AAK1: variants seen among roughly 807,000 people sequenced by gnomAD.
AAK1 encodes AP2-associated protein kinase 1.
AAK1 carries 37 observed loss-of-function variants against 116.0 expected under a neutral mutation model. That is an observed-to-expected ratio of 0.32 (90% CI 0.25 to 0.42). The LOEUF (loss-of-function observed/expected upper bound fraction) is 0.42. Ranked by LOEUF, AAK1 falls within the 10% of genes least tolerant of loss-of-function variation. AAK1 has a pLI of 1.00. For synonymous variants in AAK1, 458 were observed against 439.9 expected (o/e 1.04, Z -0.51); for missense variants, 919 against 1,170.6 (o/e 0.79, Z 3.14).
At chr2:69,522,457 G>A (rs943796899) in intron 10 of AAK1, among the ~76,000 whole-genome samples, 1 of 152,082 alleles carries the variant, frequency 6.6e-6, no homozygotes, top group Non-Finnish European at 1.5e-5. Flanking sequence ...CCTGGGCAAG[G>A]GATGTGGGAA....
rs762299051 is a variant in AAK1 at position 69,544,501 on chromosome 2, G to C, written c.326C>G (p.Ser109Cys). The change falls in exon 4 of 22, where the codon TCT becomes TGT. Residue 109 changes from serine to cysteine, a missense_variant. Around this residue, in one of 4 missense-constraint regions of AAK1, gnomAD observed 317 missense variants for 490.4 expected, o/e 0.65. Transcript: ENST00000409085. ...GHKNIVGYID[S>C]SINNVSSGDV... ...ACCGCTACTCACGTTGTTGATACTAGAATCAATGTAACCCACAATATTCTT... is the reference window on the plus strand; with the variant it reads ...ACCGCTACTCACGTTGTTGATACTACAATCAATGTAACCCACAATATTCTT... 2 of 1,613,808 alleles carry C rather than the reference G, an allele frequency of 1.2e-6. No homozygotes were observed.
intron 13 of AAK1, among the ~76,000 whole-genome samples, chr2:69,509,772 T>C (rs1676321796): frequency 6.6e-6 from 1 of 152,214 alleles, no homozygotes; most frequent in South Asian, 2.1e-4. Context: ...CAGAAGCTAT[T>C]CCAGCTGTAA....
chr2:69,542,960 T>C (rs1014693518), intron 4 of AAK1, among the ~76,000 whole-genome samples: 1 of 152,250 alleles, frequency 6.6e-6, no homozygotes, highest in Non-Finnish European at 1.5e-5. Flanking sequence ...AATATGGTCC[T>C]GCTTTAGTTG....
chr2:69,493,658 G>T (rs1007086573), intron 17 of AAK1, among the ~76,000 whole-genome samples: 4 of 152,224 alleles, frequency 2.6e-5, no homozygotes, highest in Non-Finnish European at 4.4e-5. Flanking sequence ...CCCTCCCTCA[G>T]AGAGTGATAG....
At chr2:69,578,936 T>C (rs1369808262) in intron 2 of AAK1, among the ~76,000 whole-genome samples, 1 of 152,056 alleles carries the variant, frequency 6.6e-6, no homozygotes, top group Admixed American at 6.6e-5. Context: ...CCCAAGTAGC[T>C]GGGACTACAG....
intron 2 of AAK1, among the ~76,000 whole-genome samples, chr2:69,602,900 T>C (rs1673640436): frequency 6.6e-6 from 1 of 152,246 alleles, no homozygotes; most frequent in African/African-American, 2.4e-5. Flanking sequence ...ACAGCCCTAA[T>C]ACCAAAACTC....
chr2:69,496,021 C>G lies in AAK1; in HGVS notation c.2329G>C (p.Asp777His). 6.4e-7 allele frequency: 1 copy of G among 1,554,810 alleles called. No homozygotes were observed. Among genetic ancestry groups the G allele is most frequent in the South Asian group, 1.2e-5 (1 of 84,154 alleles). ...GGTACTTGAAGAGGAATGAAAGGAT[C>G]AGACACGCTTAGAAGCGGGAGGCCA... ...DSGLPLLSVS[D>H]PFIPLQVPDA... Residue 777 changes from aspartate (D) to histidine (H), a missense_variant, in exon 17 of 22, where the codon GAT becomes CAT. This residue lies in a region of AAK1 where 263 missense variants were observed against 285.5 expected (regional missense o/e 0.92). Coordinates refer to ENST00000409085, the MANE Select transcript of AAK1 (RefSeq NM_014911.5).
chr2:69,518,882 C>A (rs901545846), intron 12 of AAK1, 72 bp downstream of exon 12: 12 of 1,467,716 alleles, frequency 8.2e-6, no homozygotes, highest in Non-Finnish European at 1.1e-5. Flanking sequence ...TGGGAAGACA[C>A]CTTTACCTAG....
intron 5 of AAK1, among the ~76,000 whole-genome samples, chr2:69,541,827 G>A (rs1396635440): frequency 6.6e-6 from 1 of 152,198 alleles, no homozygotes; most frequent in Non-Finnish European, 1.5e-5. Flanking sequence ...CTGAAACACG[G>A]TAGAATGAAA....
chr2:69,501,281 CAAA>C (rs1350784284), intron 16 of AAK1, among the ~76,000 whole-genome samples: 1 of 151,860 alleles, frequency 6.6e-6, no homozygotes, highest in Admixed American at 6.6e-5. Flanking sequence ...AAAAGTGAAA[CAAA>C]AATTTTTAAC....
At chr2:69,631,866 G>C (rs980652429) in intron 2 of AAK1, among the ~76,000 whole-genome samples, 1 of 152,156 alleles carries the variant, frequency 6.6e-6, no homozygotes, top group Non-Finnish European at 1.5e-5. Context: ...TGTGGTCCCA[G>C]ATATTCAGGA....
At chr2:69,563,284 A>G (rs72895357) in intron 2 of AAK1, among the ~76,000 whole-genome samples, 21,243 of 152,086 alleles carry the variant, frequency 0.14, 2,105 homozygotes, top group African/African-American at 0.29. Context: ...AAGTGAGGGA[A>G]GGGAAGGTAA....
intron 2 of AAK1, among the ~76,000 whole-genome samples, chr2:69,595,318 G>C (rs1008915156): frequency 6.6e-6 from 1 of 152,288 alleles, no homozygotes. Context: ...GTTTCACCAA[G>C]TTGGCTAGGC....
chr2:69,508,751 T>C (rs910175548), intron 14 of AAK1, among the ~76,000 whole-genome samples: 9 of 152,138 alleles, frequency 5.9e-5, no homozygotes, highest in Non-Finnish European at 1.0e-4. Context: ...AGGAGGAGCA[T>C]AGCAGTCCCA....
rs372660297 is a variant in AAK1, at chr2:69,607,598, C to T, written c.163+35280G>A. ...TACAAAATCTATTAAACATGGCCAT[C>T]GAGAGGTGGGACAGTATCATGAAAA... On this transcript the variant is annotated intron_variant, in intron 2 of 21. Transcript: ENST00000409085. Among the ~76,000 whole-genome samples the T allele has an allele frequency of 4.4e-3, 668 of 152,216 alleles. 5 individuals are homozygous for T. The highest frequency in any genetic ancestry group is 0.016 in the South Asian group (78 of 4,814).
Position 69,505,692 on chromosome 2 carries a change from A to G in AAK1, c.2165-19T>C, listed in dbSNP as rs1484653795. 1.3e-6 allele frequency: 2 copies of G among 1,596,704 alleles called. No homozygotes were observed. Among genetic ancestry groups the G allele is most frequent in the African/African-American group, 1.3e-5 (1 of 74,496 alleles). On this transcript the variant is annotated intron_variant, in intron 15 of 21. Transcript: ENST00000409085. ...TGTTTGCCTGGAGAGACAAAACACCACTCAGTTCATTCTAGCAGAATCTTG... is the reference window on the plus strand; with the variant it reads ...TGTTTGCCTGGAGAGACAAAACACCGCTCAGTTCATTCTAGCAGAATCTTG...
chr2:69,615,783 C>CTGTAA (rs1381162430), intron 2 of AAK1, among the ~76,000 whole-genome samples: 1 of 152,210 alleles, frequency 6.6e-6, no homozygotes, highest in Non-Finnish European at 1.5e-5. Flanking sequence ...CCCCACTAGA[C>CTGTAA]TGTAAGCTCT....
At position 69,617,628 on chromosome 2, in the gene AAK1, G is replaced by A. The variant is rs181400287; in HGVS notation, c.163+25250C>T. Among the ~76,000 whole-genome samples, 249 of 152,356 alleles carry A rather than the reference G, an allele frequency of 1.6e-3. No homozygotes were observed. In the Middle Eastern group the frequency reaches 0.02, roughly 12 times the overall value. Reference sequence around the variant, plus strand: ...GATAAATAAATCGTTATTGTAAGATGCAGCAAATCCTAAAGAGGTATGTGC... The same window carrying A: ...GATAAATAAATCGTTATTGTAAGATACAGCAAATCCTAAAGAGGTATGTGC... On this transcript the variant is annotated intron_variant, in intron 2 of 21. Coordinates refer to ENST00000409085, the MANE Select transcript of AAK1 (RefSeq NM_014911.5).
intron 2 of AAK1, among the ~76,000 whole-genome samples, chr2:69,588,065 A>G (rs546982270): frequency 6.6e-6 from 1 of 152,228 alleles, no homozygotes; most frequent in East Asian, 1.9e-4. Context: ...TGCCCAGCCA[A>G]ACCTGCTTCA....
Sources: allele counts gnomAD v4.1 joint callset (sites outside exome capture counted in the v4.1 genomes callset), GRCh38; gene constraint gnomAD v4.1.1; regional missense constraint gnomAD v4.1.1; transcripts MANE v1.5; gene names NCBI Gene and HGNC (gene_info 2026-07-23, HGNC 2026-07-21).